Variants in ITPR2 observed in about 807,000 individuals in gnomAD.
ITPR2 encodes the protein inositol 1,4,5-trisphosphate receptor type 2.
ITPR2 carries 207 observed loss-of-function variants against 317.1 expected under a neutral mutation model. The observed-to-expected ratio is 0.65, with a 90% CI of 0.58 to 0.73. The LOEUF (loss-of-function observed/expected upper bound fraction) is 0.73. Ranked by LOEUF, ITPR2 falls within the 30% of genes least tolerant of loss-of-function variation. ITPR2 has a pLI of 0.00. For missense variants in ITPR2, 2,613 were observed against 3,284.0 expected, an observed-to-expected ratio of 0.80 and a Z score of 4.99; for synonymous variants, 1,156 against 1,149.1, an observed-to-expected ratio of 1.01 and a Z score of -0.12.
intron 36 of ITPR2, among the ~76,000 whole-genome samples, chr12:26,553,845 C>G (rs1376982223): frequency 6.6e-6 from 1 of 152,136 alleles, no homozygotes; most frequent in Non-Finnish European, 1.5e-5. Context: ...GTAAGATATT[C>G]TTACAAAGGA....
intron 10 of ITPR2, among the ~76,000 whole-genome samples, chr12:26,687,070 AG>A (rs1490066379): frequency 6.6e-6 from 1 of 152,186 alleles, no homozygotes. Flanking sequence ...ATACTTGGAG[AG>A]GAGCAGAATC....
chr12:26,791,129 A>C (rs1157173263), intron 1 of ITPR2, among the ~76,000 whole-genome samples: 1 of 152,212 alleles, frequency 6.6e-6, no homozygotes, highest in African/African-American at 2.4e-5. Context: ...ATTTATGAGA[A>C]GACAATTTGT....
chr12:26,447,982 C>T (rs146569842), intron 45 of ITPR2, among the ~76,000 whole-genome samples: 2 of 132,070 alleles, frequency 1.5e-5, no homozygotes, highest in Non-Finnish European at 3.2e-5. Context: ...TGCCATGTAC[C>T]CTTTTACATG....
intron 37 of ITPR2, among the ~76,000 whole-genome samples, chr12:26,508,272 C>T (rs184828046): frequency 7.2e-5 from 11 of 152,006 alleles, no homozygotes; most frequent in East Asian, 5.8e-4. Context: ...CTATATTGAA[C>T]GAAAAAATAA....
In ITPR2 at chr12:26,608,029, G is replaced by A. The variant is rs1020554661; in HGVS notation, c.3463-5323C>T. Among the ~76,000 whole-genome samples, 5 of 152,210 alleles carry A rather than the reference G, an allele frequency of 3.3e-5. No individual in the cohort carries two copies. The East Asian group carries it at 9.6e-4, about 29-fold the overall frequency. ...CCGGCTACTCGGGAGGCTGAGGCAG[G>A]AGAATGGCGTGAATCCGGGAGGTGG... On this transcript the variant is annotated intron_variant, in intron 26 of 56. Coordinates refer to ENST00000381340, the MANE Select transcript of ITPR2 (RefSeq NM_002223.4).
chr12:26,792,123 T>G (rs142327595), intron 1 of ITPR2, among the ~76,000 whole-genome samples: 1 of 152,246 alleles, frequency 6.6e-6, no homozygotes, highest in Non-Finnish European at 1.5e-5. Context: ...AACACTAATA[T>G]CTATCCTCAA....
At chr12:26,613,013 T>A (rs1390026456) in intron 26 of ITPR2, among the ~76,000 whole-genome samples, 1 of 152,232 alleles carries the variant, frequency 6.6e-6, no homozygotes, top group African/African-American at 2.4e-5. Context: ...CAGTATTTAA[T>A]CAACTACTTT....
At chr12:26,699,149 T>C (rs1356754247) in intron 9 of ITPR2, among the ~76,000 whole-genome samples, 1 of 152,028 alleles carries the variant, frequency 6.6e-6, no homozygotes, top group East Asian at 1.9e-4. Flanking sequence ...TGAAATTCAA[T>C]GCTGGAAACC....
At chr12:26,667,157 C>T (rs906364255) in intron 13 of ITPR2, among the ~76,000 whole-genome samples, 1 of 152,204 alleles carries the variant, frequency 6.6e-6, no homozygotes, top group African/African-American at 2.4e-5. Context: ...AAGAAAACTA[C>T]ATTTTAAGAG....
At chr12:26,624,685 G>C (rs1946580480) in intron 23 of ITPR2, among the ~76,000 whole-genome samples, 1 of 151,946 alleles carries the variant, frequency 6.6e-6, no homozygotes, top group African/African-American at 2.4e-5. Flanking sequence ...AATAAATGCT[G>C]GTGAGAATTT....
intron 37 of ITPR2, among the ~76,000 whole-genome samples, chr12:26,500,230 A>G (rs1943039006): frequency 6.6e-6 from 1 of 152,194 alleles, no homozygotes. Context: ...TCCCCAAATT[A>G]CTTTAATTCA....
At chr12:26,718,889 T>C (rs1948787614) in intron 5 of ITPR2, among the ~76,000 whole-genome samples, 1 of 152,126 alleles carries the variant, frequency 6.6e-6, no homozygotes, top group South Asian at 2.1e-4. Context: ...TACATAGGCG[T>C]GAACCACTGT....
At chr12:26,811,427 G>A (rs1459144312) in intron 1 of ITPR2, among the ~76,000 whole-genome samples, 2 of 148,900 alleles carry the variant, frequency 1.3e-5, no homozygotes, top group Admixed American at 6.7e-5. Context: ...TGGCTAACGC[G>A]GTGAAACCCC....
At chr12:26,672,407 C>T (rs903276854) in intron 13 of ITPR2, among the ~76,000 whole-genome samples, 61 of 152,076 alleles carry the variant, frequency 4.0e-4, no homozygotes, top group Admixed American at 2.6e-4. Context: ...CACTCAAAAC[C>T]ACTCAACTAC....
chr12:26,387,605 C>T lies in ITPR2; in HGVS notation c.7697-11G>A, dbSNP rs780666831. 7.4e-6 allele frequency: 12 copies of T among 1,611,998 alleles called. No individual in the cohort carries two copies. The African/African-American group carries it at 1.6e-4, about 22-fold the overall frequency. On this transcript the variant is annotated splice_polypyrimidine_tract_variant and intron_variant, in intron 54 of 56. Coordinates refer to ENST00000381340, the MANE Select transcript of ITPR2 (RefSeq NM_002223.4). Reference sequence around the variant, plus strand: ...TGTCTCTCTCAAGTCCTGAAAAACACAGGCAACACAATATATGTAATTCGT... The same window carrying T: ...TGTCTCTCTCAAGTCCTGAAAAACATAGGCAACACAATATATGTAATTCGT...
At chr12:26,755,123 T>C (rs1949496942) in intron 2 of ITPR2, among the ~76,000 whole-genome samples, 1 of 152,202 alleles carries the variant, frequency 6.6e-6, no homozygotes, top group Non-Finnish European at 1.5e-5. Context: ...TATGACTTAG[T>C]GTATGTTTTT....
chr12:26,588,777 A>G (rs1282261343), intron 32 of ITPR2, among the ~76,000 whole-genome samples: 1 of 152,236 alleles, frequency 6.6e-6, no homozygotes, highest in African/African-American at 2.4e-5. Context: ...TGTCTTGTTA[A>G]CCAGTGACTG....
intron 48 of ITPR2, among the ~76,000 whole-genome samples, chr12:26,429,009 G>C (rs1941137699): frequency 6.6e-6 from 1 of 152,070 alleles, no homozygotes; most frequent in Non-Finnish European, 1.5e-5. Flanking sequence ...TAATCTTTTG[G>C]CCACACCTCT....
intron 1 of ITPR2, among the ~76,000 whole-genome samples, chr12:26,810,449 C>T (rs925158628): frequency 7.9e-5 from 12 of 152,214 alleles, no homozygotes; most frequent in Non-Finnish European, 1.6e-4. Context: ...TTCCCTTCTG[C>T]TCAGCACAGC....
Sources: allele counts gnomAD v4.1 joint callset (sites outside exome capture counted in the v4.1 genomes callset), GRCh38; gene constraint gnomAD v4.1.1; transcripts MANE v1.5; gene names NCBI Gene and HGNC (gene_info 2026-07-23, HGNC 2026-07-21).